The following TPPP variants were observed in gnomAD, a reference collection of about 807,000 sequenced individuals.
TPPP encodes the protein tubulin polymerization promoting protein, also known as tubulin polymerization-promoting protein.
A neutral mutation model predicts 15.5 loss-of-function variants in TPPP; 6 were observed. That is an observed-to-expected ratio of 0.39 (90% confidence interval 0.21 to 0.77). TPPP has a LOEUF of 0.77. Among genes scored for constraint, TPPP ranks in the 30% least tolerant of loss-of-function variants. The pLI is 0.42. For synonymous variants in TPPP, 146 were observed against 133.9 expected (o/e 1.09, Z -0.63); for missense variants, 269 against 307.2 (o/e 0.88, Z 0.93).
intron 2 of TPPP, among the ~76,000 whole-genome samples, chr5:669,226 C>T (rs1015091038): frequency 3.9e-5 from 6 of 152,174 alleles, no homozygotes; most frequent in African/African-American, 9.7e-5. Context: ...ATTCCAGACC[C>T]GCCGGCCATA....
At chr5:697,099 G>A (rs1347815676), upstream of TPPP, among the ~76,000 whole-genome samples, 1 of 150,638 alleles carries the variant, frequency 6.6e-6, no homozygotes, top group Non-Finnish European at 1.5e-5. Flanking sequence ...TGTTTGGGCT[G>A]TGATTGCATC....
At chr5:665,343 T>G (rs754282882) in intron 3 of TPPP, 47 bp from the exon 4 acceptor site, 1 of 1,558,200 alleles carries the variant, frequency 6.4e-7, no homozygotes, top group Non-Finnish European at 8.7e-7. Context: ...GCGAGCCAGG[T>G]GAGGCCAGCA....
At chr5:693,578 G>A (rs1457669751), upstream of TPPP, among the ~76,000 whole-genome samples, 13 of 151,752 alleles carry the variant, frequency 8.6e-5, no homozygotes, top group South Asian at 1.0e-3. Flanking sequence ...GCGGACCGCC[G>A]GGTATCCGCT....
At chr5:675,548 C>T (rs1404173734) in intron 2 of TPPP, among the ~76,000 whole-genome samples, 1 of 86,312 alleles carries the variant, frequency 1.2e-5, no homozygotes, top group African/African-American at 4.2e-5. Flanking sequence ...TGCCGTGTGG[C>T]CGGGGGTGCA....
chr5:683,349 G>A (rs1225903926), intron 1 of TPPP, among the ~76,000 whole-genome samples: 3 of 152,184 alleles, frequency 2.0e-5, no homozygotes, highest in African/African-American at 7.2e-5. Context: ...GCATTCCTTG[G>A]GAAGTGACCA....
At chr5:665,827 CCT>C in intron 3 of TPPP, 141 bp downstream of exon 3, 1 of 988,642 alleles carries the variant, frequency 1.0e-6, no homozygotes, top group Non-Finnish European at 1.4e-6. Context: ...GCCACGCCCT[CCT>C]GACCACGCCT....
intron 2 of TPPP, among the ~76,000 whole-genome samples, chr5:668,185 G>A (rs1291931051): frequency 1.6e-5 from 2 of 125,576 alleles, no homozygotes; most frequent in Non-Finnish European, 3.4e-5. Context: ...AGGGGTCCGC[G>A]TGGGCGCCGT....
In TPPP at chr5:665,063, C is replaced by T. The variant is rs564482827; in HGVS notation, c.*39G>A. Reference sequence around the variant, plus strand: ...AGTGCGAGGTGACAGAGTCCCTGCTCTGGGGACACCGGCAGTGCCGCGAGG... The same window carrying T: ...AGTGCGAGGTGACAGAGTCCCTGCTTTGGGGACACCGGCAGTGCCGCGAGG... On this transcript the variant is annotated 3_prime_UTR_variant, in exon 4 of 4. Transcript: ENST00000360578. The T allele has an allele frequency of 1.4e-5, 22 of 1,589,566 alleles. No individual in the cohort carries two copies. The African/African-American group carries it at 2.9e-4, about 21-fold the overall frequency.
At chr5:679,011 G>A (rs1740541531) in intron 1 of TPPP, among the ~76,000 whole-genome samples, 1 of 152,156 alleles carries the variant, frequency 6.6e-6, no homozygotes, top group African/African-American at 2.4e-5. Context: ...TGGACACCAG[G>A]TGGGCCGTCA....
At chr5:670,746 C>T (rs1740192047) in intron 2 of TPPP, among the ~76,000 whole-genome samples, 1 of 152,180 alleles carries the variant, frequency 6.6e-6, no homozygotes, top group African/African-American at 2.4e-5. Flanking sequence ...CTGCCTCCCG[C>T]AAGCCCCAGC....
upstream of TPPP, among the ~76,000 whole-genome samples, chr5:694,069 T>C (rs1740973229): frequency 7.9e-6 from 1 of 126,466 alleles, no homozygotes; most frequent in Non-Finnish European, 1.8e-5. Flanking sequence ...TCAGCTTCCG[T>C]TCTCCCTGCA....
In TPPP at chr5:661,614, A is replaced by G. The variant is rs1244562982; in HGVS notation, c.*3488T>C. On this transcript the variant is annotated 3_prime_UTR_variant, in exon 4 of 4. Coordinates refer to ENST00000360578, the MANE Select transcript of TPPP (RefSeq NM_007030.3). ...GAACACACACCTGCCTGAATTCACA[A>G]TATTCAGAAACTGACTGAGGAAGAT... is the stretch of plus-strand genomic sequence containing the variant. 1 of 152,446 alleles carries G rather than the reference A, an allele frequency of 6.6e-6. No individual in the cohort carries two copies. The highest frequency in any genetic ancestry group is 6.5e-5 in the Admixed American group (1 of 15,290). 9.4% of individuals were successfully genotyped at this position (152,446 alleles called of 1,614,324 possible).
Position 664,023 on chromosome 5 carries a change from C to T in TPPP, c.*1079G>A, listed in dbSNP as rs1739794764. The stretch of plus-strand genomic sequence containing the variant: ...TCCTGGATGGGCTCTGCTCAGCCCC[C>T]TGCTGGCAGAGAAACCCCCACAGAC... On this transcript the variant is annotated 3_prime_UTR_variant, in exon 4 of 4. Coordinates refer to ENST00000360578, the MANE Select transcript of TPPP (RefSeq NM_007030.3). 1 of 152,478 alleles carries T rather than the reference C, an allele frequency of 6.6e-6. No individual in the cohort carries two copies. Among genetic ancestry groups the T allele is most frequent in the Non-Finnish European group, 1.5e-5 (1 of 68,182 alleles). 9.4% of individuals were successfully genotyped at this position (152,478 alleles called of 1,614,324 possible). A position where few individuals can be genotyped will look rare whatever the true frequency, so the allele number is the denominator to read the frequency against.
Position 664,927 on chromosome 5 carries a change from G to C in TPPP, c.*175C>G. ...AACCTGGTTTGAGAGGGGAGTGCTG[G>C]GGGCATCCGGTAGGAGGAGGGGCAG... is the stretch of plus-strand genomic sequence containing the variant. On this transcript the variant is annotated 3_prime_UTR_variant, in exon 4 of 4. Coordinates refer to ENST00000360578, the MANE Select transcript of TPPP (RefSeq NM_007030.3). 1 of 683,846 alleles carries C rather than the reference G, an allele frequency of 1.5e-6. No individual in the cohort carries two copies. The allele number at this position is 683,846 out of a possible 1,614,324, so 42.4% of individuals were successfully genotyped here. A position where few individuals can be genotyped will look rare whatever the true frequency, so the allele number is the denominator to read the frequency against.
At chr5:682,427 C>T (rs1740652321) in intron 1 of TPPP, among the ~76,000 whole-genome samples, 1 of 150,764 alleles carries the variant, frequency 6.6e-6, no homozygotes, top group African/African-American at 2.5e-5. Context: ...TCACTAGGGC[C>T]AGGGGTCTGC....
upstream of TPPP, among the ~76,000 whole-genome samples, chr5:697,537 G>C (rs1741036517): frequency 6.6e-6 from 1 of 152,030 alleles, no homozygotes. Flanking sequence ...CAGTGGAGAG[G>C]ACACACCCCT....
At chr5:673,552 ACACGGCGCCCACT>A (rs1740296291) in intron 2 of TPPP, among the ~76,000 whole-genome samples, 2 of 152,072 alleles carry the variant, frequency 1.3e-5, no homozygotes, top group Non-Finnish European at 1.5e-5. Context: ...ACAATCTCCC[ACACGGCGCCCACT>A]CACGGTGCCC....
At chr5:691,932 TATCAAAACAGCAGCCCCCAACCCCTC>T (rs1341048686) in intron 1 of TPPP, among the ~76,000 whole-genome samples, 1 of 40,968 alleles carries the variant, frequency 2.4e-5, no homozygotes, top group Non-Finnish European at 4.4e-5. Context: ...CCCCAACCCG[TATCAAAACAGCAGCCCCCAACCCCTC>T]ATCAAAACAG....
chr5:684,088 C>T (rs1288021263), intron 1 of TPPP, among the ~76,000 whole-genome samples: 6 of 152,328 alleles, frequency 3.9e-5, no homozygotes, highest in African/African-American at 7.2e-5. Flanking sequence ...AGGACCCTCT[C>T]GTGCCTGCAG....
Sources: allele counts gnomAD v4.1 joint callset (sites outside exome capture counted in the v4.1 genomes callset), GRCh38; gene constraint gnomAD v4.1.1; transcripts MANE v1.5; gene names NCBI Gene and HGNC (gene_info 2026-07-23, HGNC 2026-07-21).